Variants in ULK4 observed in about 807,000 individuals in gnomAD.
The protein encoded by ULK4 is unc-51 like kinase 4.
In ULK4, 133 loss-of-function variants were observed where a neutral mutation model predicts 160.6. The ratio of observed to expected loss-of-function variants is 0.83; its 90% CI spans 0.72 to 0.96. The LOEUF is 0.96. Among genes scored for constraint, ULK4 ranks in the 40% least tolerant of loss-of-function variants. The probability of loss-of-function intolerance (pLI) is 0.00; values close to 1 mark genes in which losing one functional copy is unlikely to be tolerated. For missense variants in ULK4, 1,580 were observed against 1,499.5 expected (o/e 1.05, Z -0.89); for synonymous variants, 534 against 539.8 (o/e 0.99, Z 0.15).
intron 32 of ULK4, among the ~76,000 whole-genome samples, chr3:41,481,982 T>C (rs574976200): frequency 6.6e-6 from 1 of 152,296 alleles, no homozygotes; most frequent in African/African-American, 2.4e-5. Flanking sequence ...TGTTGTGCTA[T>C]ATATAAACAA....
At chr3:41,729,334 C>A (rs549013010) in intron 22 of ULK4, among the ~76,000 whole-genome samples, 1 of 152,168 alleles carries the variant, frequency 6.6e-6, no homozygotes, top group Non-Finnish European at 1.5e-5. Context: ...GCACTCCTCA[C>A]GGGCCAATTG....
chr3:41,353,704 ACTACTACT>A (rs1559540407), intron 35 of ULK4, among the ~76,000 whole-genome samples: 53 of 50,016 alleles, frequency 1.1e-3, no homozygotes, highest in African/African-American at 3.6e-3. Context: ...TACAATTACT[ACTACTACT>A]ACTACTACTA....
chr3:41,815,069 C>T (rs1210020158), intron 19 of ULK4, among the ~76,000 whole-genome samples: 2 of 151,988 alleles, frequency 1.3e-5, no homozygotes, highest in East Asian at 1.9e-4. Context: ...CCACCACGCC[C>T]GACTAATTTT....
At chr3:41,615,757 A>T in intron 30 of ULK4, 40 bp from the exon 31 acceptor site, 1 of 1,582,316 alleles carries the variant, frequency 6.3e-7, no homozygotes, top group South Asian at 1.1e-5. Flanking sequence ...CACATTAGAC[A>T]ATTCATATTT....
chr3:41,935,224 T>A (rs1559660949), intron 4 of ULK4, among the ~76,000 whole-genome samples: 238 of 10,610 alleles, frequency 0.022, 5 homozygotes, highest in Middle Eastern at 0.026. Flanking sequence ...TTTTTTTTTT[T>A]TTTTTTTTTT....
intron 30 of ULK4, among the ~76,000 whole-genome samples, chr3:41,639,553 C>A (rs2034098725): frequency 6.6e-6 from 1 of 152,052 alleles, no homozygotes; most frequent in Non-Finnish European, 1.5e-5. Flanking sequence ...CATGGTGAAA[C>A]CCCATCTCTA....
At chr3:41,361,023 G>A (rs143704493) in intron 35 of ULK4, among the ~76,000 whole-genome samples, 109 of 152,254 alleles carry the variant, frequency 7.2e-4, no homozygotes, top group Non-Finnish European at 8.2e-4. Flanking sequence ...AGGAAGGGGC[G>A]CTTTGATGAC....
chr3:41,517,009 T>C (rs2085772445), intron 32 of ULK4, among the ~76,000 whole-genome samples: 1 of 151,960 alleles, frequency 6.6e-6, no homozygotes, highest in African/African-American at 2.4e-5. Context: ...ATACAAAGAA[T>C]CCTTAAAGCT....
At chr3:41,703,834 G>GCACACACACACACACACACA (rs35693704) in intron 27 of ULK4, among the ~76,000 whole-genome samples, 2 of 129,260 alleles carry the variant, frequency 1.5e-5, no homozygotes, top group African/African-American at 7.4e-5. Flanking sequence ...TAATGCGCAT[G>GCACACACACACACACACACA]CACACACACA....
chr3:41,506,783 T>A (rs369171824), intron 32 of ULK4, among the ~76,000 whole-genome samples: 1,807 of 27,444 alleles, frequency 0.066, 223 homozygotes, highest in Admixed American at 0.12. Flanking sequence ...TATATATATA[T>A]ATATATATAT....
chr3:41,582,544 C>T (rs2030455999), intron 31 of ULK4, among the ~76,000 whole-genome samples: 1 of 152,204 alleles, frequency 6.6e-6, no homozygotes, highest in South Asian at 2.1e-4. Context: ...AGAGCCTATG[C>T]TGCCAGCTTC....
At chr3:41,306,168 A>AGCCAGCCGCCCCG (rs2079923740) in intron 35 of ULK4, among the ~76,000 whole-genome samples, 1 of 70,022 alleles carries the variant, frequency 1.4e-5, no homozygotes, top group Non-Finnish European at 2.6e-5. Context: ...CAGCCGCCCC[A>AGCCAGCCGCCCCG]TCCGGGAGGG....
intron 32 of ULK4, among the ~76,000 whole-genome samples, chr3:41,506,296 G>A (rs1271969073): frequency 3.3e-5 from 5 of 152,138 alleles, no homozygotes; most frequent in Admixed American, 3.3e-4. Context: ...GGTGCACCAG[G>A]CTGCTGTATC....
chr3:41,754,558 A>G, intron 21 of ULK4, 70 bp from the exon 22 acceptor site: 1 of 1,497,694 alleles, frequency 6.7e-7, no homozygotes, highest in Non-Finnish European at 9.1e-7. Context: ...TCTCAGAGTG[A>G]ACAGACTATA....
At chr3:41,463,011 A>T (rs757474738) in intron 33 of ULK4, 76 bp downstream of exon 33, 1 of 1,490,508 alleles carries the variant, frequency 6.7e-7, no homozygotes, top group East Asian at 2.3e-5. Context: ...ATAGAGGAAG[A>T]TAAGAAAGAA....
intron 31 of ULK4, among the ~76,000 whole-genome samples, chr3:41,578,959 A>G (rs2029966816): frequency 6.6e-6 from 1 of 152,196 alleles, no homozygotes; most frequent in Admixed American, 6.5e-5. Flanking sequence ...ATCAGGCGCA[A>G]CCCAACCCTC....
intron 31 of ULK4, among the ~76,000 whole-genome samples, chr3:41,566,641 A>T (rs7631990): frequency 0.061 from 9,334 of 152,226 alleles, 856 homozygotes; most frequent in African/African-American, 0.2. Context: ...CTCAACACTT[A>T]GCATCATATA....
chr3:41,333,380 A>T (rs921296691), intron 35 of ULK4, among the ~76,000 whole-genome samples: 1 of 152,326 alleles, frequency 6.6e-6, no homozygotes, highest in East Asian at 1.9e-4. Flanking sequence ...TTCAACAGAG[A>T]CATACTGTAA....
chr3:41,818,611 T>A (rs940811499), intron 19 of ULK4, among the ~76,000 whole-genome samples: 1 of 152,188 alleles, frequency 6.6e-6, no homozygotes, highest in Non-Finnish European at 1.5e-5. Context: ...GAGTTCAAAC[T>A]TTTCTTCTGG....
Sources: gnomAD v4.1 joint callset for allele counts (sites outside exome capture counted in the v4.1 genomes callset) on GRCh38, gnomAD v4.1.1 for gene constraint, MANE v1.5 for transcripts, NCBI Gene and HGNC (gene_info 2026-07-23, HGNC 2026-07-21) for gene names.